DLST: variants seen among roughly 807,000 people sequenced by gnomAD.
DLST encodes the protein dihydrolipoamide S-succinyltransferase.
In DLST, 17 loss-of-function variants were observed where a neutral mutation model predicts 53.1. The observed-to-expected ratio is 0.32, with a 90% confidence interval of 0.22 to 0.48. The LOEUF (loss-of-function observed/expected upper bound fraction) is 0.48, where lower values mean the gene tolerates loss of function less well. Among genes scored for constraint, DLST ranks in the 20% least tolerant of loss-of-function variants. The pLI, the probability that DLST is intolerant of heterozygous loss-of-function variation, is 0.99. For synonymous variants in DLST, 206 were observed against 204.8 expected (o/e 1.01, Z -0.05); for missense variants, 512 against 583.9 (o/e 0.88, Z 1.27).
In DLST at chr14:74,899,944, A is replaced by T. The variant is rs749277580; in HGVS notation, c.923A>T (p.Glu308Val). The T allele has an allele frequency of 1.2e-6, 2 of 1,613,276 alleles. No homozygotes were observed. Among genetic ancestry groups the T allele is most frequent in the East Asian group, 2.2e-5 (1 of 44,880 alleles). ...VNAVIDDTTK[E>V]VVYRDYIDIS... ...ATAGTGATTGACGACACAACCAAAG[A>T]GGTGGTGTATAGGGATTATATTGAC... The change falls in exon 12 of 15, where the codon GAG becomes GTG. Residue 308 changes from glutamate to valine, a missense_variant. Around this residue, in one of 4 missense-constraint regions of DLST, gnomAD observed 186 missense variants for 260.4 expected, o/e 0.71. Transcript: ENST00000334220.
chr14:74,901,842 TA>T (rs1884254229), intron 14 of DLST, among the ~76,000 whole-genome samples: 1 of 119,462 alleles, frequency 8.4e-6, no homozygotes, highest in African/African-American at 3.4e-5. Context: ...GACCCTGGCT[TA>T]ATTTTTTTTT....
chr14:74,897,184 TA>T (rs1296622600), intron 10 of DLST, among the ~76,000 whole-genome samples: 1 of 152,204 alleles, frequency 6.6e-6, no homozygotes, highest in African/African-American at 2.4e-5. Flanking sequence ...ATCCTAGCAC[TA>T]AATAAGGTTA....
chr14:74,902,598 T>G lies in DLST; in HGVS notation c.*268T>G. ...GAGCCTTAATGGATGCTCATTCATA[T>G]TCCTGCCTTTCTTCCATCAGCTCTC... On this transcript the variant is annotated 3_prime_UTR_variant, in exon 15 of 15. Coordinates refer to ENST00000334220, the MANE Select transcript of DLST (RefSeq NM_001933.5). 3.3e-6 allele frequency: 1 copy of G among 300,480 alleles called. No individual in the cohort carries two copies. Among genetic ancestry groups the G allele is most frequent in the Admixed American group, 4.8e-5 (1 of 20,676 alleles). 18.6% of individuals were successfully genotyped at this position (300,480 alleles called of 1,614,324 possible).
At chr14:74,895,361 C>G (rs1884044213) in intron 10 of DLST, among the ~76,000 whole-genome samples, 1 of 152,188 alleles carries the variant, frequency 6.6e-6, no homozygotes, top group Non-Finnish European at 1.5e-5. Flanking sequence ...CTGTTTTCTT[C>G]AAGATTTCAA....
intron 2 of DLST, among the ~76,000 whole-genome samples, chr14:74,884,035 C>T (rs984894467): frequency 2.0e-5 from 3 of 152,098 alleles, no homozygotes; most frequent in Non-Finnish European, 4.4e-5. Flanking sequence ...TGATGTAGAC[C>T]AGCTTGGGAA....
chr14:74,894,273 A>AG lies in DLST; in HGVS notation c.673-38dup, dbSNP rs764856969. ...TACACGGGGAATGCTTGACCCAGAGAGATCAGATTGTCAATGCTTGTTCCA... is the reference window on the plus strand; with the variant it reads ...TACACGGGGAATGCTTGACCCAGAGAGGATCAGATTGTCAATGCTTGTTCCA... On this transcript the variant is annotated intron_variant, in intron 9 of 14. Transcript: ENST00000334220. 6 of 1,610,608 alleles carry AG rather than the reference A, an allele frequency of 3.7e-6. No individual in the cohort carries two copies. The East Asian group carries it at 1.3e-4, about 36-fold the overall frequency.
intron 11 of DLST, among the ~76,000 whole-genome samples, chr14:74,899,533 A>G (rs557773470): frequency 1.3e-3 from 191 of 152,200 alleles, no homozygotes; most frequent in Non-Finnish European, 2.2e-3. Flanking sequence ...TAGTATCTCT[A>G]TATCCCTTTT....
chr14:74,889,911 G>T lies in DLST; in HGVS notation c.289G>T (p.Val97Phe). ...VRWEKAVGDT[V>F]AEDEVVCEIE... ...TGTCTTTTCAGCTGTTGGAGACACA[G>T]TTGCAGAAGATGAAGTGGTTTGTGA... is the stretch of plus-strand genomic sequence containing the variant. The change falls in exon 6 of 15, where the codon GTT (valine) becomes TTT (phenylalanine). Residue 97 changes from valine (V) to phenylalanine (F), a missense_variant. Physicochemically the swap from Val to Phe is conservative, Grantham distance 50. Transcript: ENST00000334220. 6.2e-7 allele frequency: 1 copy of T among 1,614,002 alleles called. No homozygotes were observed. Among genetic ancestry groups the T allele is most frequent in the South Asian group, 1.1e-5 (1 of 91,068 alleles).
intron 10 of DLST, among the ~76,000 whole-genome samples, chr14:74,897,766 G>A (rs763647104): frequency 7.9e-5 from 12 of 152,160 alleles, no homozygotes; most frequent in Non-Finnish European, 1.6e-4. Flanking sequence ...GATGAAGAAC[G>A]GATATGACTT....
chr14:74,885,465 T>TA, intron 2 of DLST, 121 bp from the exon 3 acceptor site: 1 of 1,008,950 alleles, frequency 9.9e-7, no homozygotes, highest in Non-Finnish European at 1.6e-6. Flanking sequence ...ATAAAGATTA[T>TA]ATCCGTTGCC....
chr14:74,902,068 A>G (rs570880075), intron 14 of DLST, 128 bp from the exon 15 acceptor site: 296 of 1,015,026 alleles, frequency 2.9e-4, no homozygotes, highest in Middle Eastern at 2.4e-3. Context: ...TACTGTAAAT[A>G]TGCAGAGGCA....
Position 74,882,601 on chromosome 14 carries a change from C to T in DLST, c.74C>T (p.Pro25Leu), listed in dbSNP as rs772084092. Reference sequence around the variant, plus strand: ...CTTCTTTCTCAACAGGGGAACTGCCCTCTAGGGAGACGTTCCCTGCCTGGT... The same window carrying T: ...CTTCTTTCTCAACAGGGGAACTGCCTTCTAGGGAGACGTTCCCTGCCTGGT... ...SLSAFQKGNC[P>L]LGRRSLPGVS... The change falls in exon 2 of 15, where the codon CCT becomes CTT. Residue 25 changes from proline (P) to leucine (L), a missense_variant. This residue lies in a region of DLST where 129 missense variants were observed against 90.9 expected (regional missense o/e 1.42). Transcript: ENST00000334220. 1.7e-5 allele frequency: 28 copies of T among 1,613,790 alleles called. No homozygotes were observed. The highest frequency in any genetic ancestry group is 2.3e-5 in the Non-Finnish European group (27 of 1,179,974).
At position 74,889,039 on chromosome 14, in the gene DLST, A is replaced by T. The variant is rs1883804742; in HGVS notation, c.147-56A>T. Reference sequence around the variant, plus strand: ...AGGTGACCCATGGGGCCTTAACTAGACTAAAATGTGAGTGGTTCGCCTGTT... The same window carrying T: ...AGGTGACCCATGGGGCCTTAACTAGTCTAAAATGTGAGTGGTTCGCCTGTT... On this transcript the variant is annotated intron_variant, in intron 3 of 14. Coordinates refer to ENST00000334220, the MANE Select transcript of DLST (RefSeq NM_001933.5). 15 of 1,584,352 alleles carry T rather than the reference A, an allele frequency of 9.5e-6. No individual in the cohort carries two copies. In the South Asian group the frequency reaches 1.7e-4, roughly 18 times the overall value.
Position 74,898,706 on chromosome 14 carries a change from C to T in DLST, c.901+207C>T, listed in dbSNP as rs570903184. Among the ~76,000 whole-genome samples the T allele has an allele frequency of 2.0e-5, 3 of 152,392 alleles. No individual in the cohort carries two copies. In the South Asian group the frequency reaches 6.2e-4, roughly 32 times the overall value. ...ACCCGCCAGCTGGGCAGAACAGTTT[C>T]TCTTCCCAGTGTACAGCTCGGCAGC... On this transcript the variant is annotated intron_variant, in intron 11 of 14. Transcript: ENST00000334220.
intron 1 of DLST, 151 bp downstream of exon 1, chr14:74,882,167 C>T (rs550678409): frequency 1.4e-5 from 9 of 637,396 alleles, no homozygotes; most frequent in African/African-American, 1.2e-4. Flanking sequence ...GGCCCGGGGC[C>T]GTGGTTGCCC....
At chr14:74,900,118 TA>T in intron 12 of DLST, 122 bp downstream of exon 12, 1 of 1,110,308 alleles carries the variant, frequency 9.0e-7, no homozygotes, top group Non-Finnish European at 1.3e-6. Flanking sequence ...TTAGTAAAAG[TA>T]ACCTTTTTTT....
At position 74,902,240 on chromosome 14, in the gene DLST, C is replaced by G; in HGVS notation, c.1272C>G (p.His424Gln). 6.2e-7 allele frequency: 1 copy of G among 1,612,934 alleles called. No homozygotes were observed. Among genetic ancestry groups the G allele is most frequent in the South Asian group, 1.1e-5 (1 of 90,880 alleles). ...PMMYVALTYD[H>Q]RLIDGREAVT... ...TGTACGTGGCACTGACCTATGATCA[C>G]CGGCTGATTGATGGCAGAGAGGCTG... is the stretch of plus-strand genomic sequence containing the variant. The change falls in exon 15 of 15, where the codon CAC becomes CAG. Residue 424 changes from histidine (H) to glutamine (Q), a missense_variant. This residue lies in a region of DLST where 186 missense variants were observed against 260.4 expected (regional missense o/e 0.71). Coordinates refer to ENST00000334220, the MANE Select transcript of DLST (RefSeq NM_001933.5).
rs1292248250 is a variant in DLST at position 74,900,329 on chromosome 14, A to G, written c.1016A>G (p.Asn339Ser). ...VPVIRNVEAMNFADIERTITE... is the reference protein window; with the variant it reads ...VPVIRNVEAMSFADIERTITE... Reference sequence around the variant, plus strand: ...GTCATCAGGAATGTGGAAGCTATGAATTTTGCAGATATTGAACGGACCATC... The same window carrying G: ...GTCATCAGGAATGTGGAAGCTATGAGTTTTGCAGATATTGAACGGACCATC... Residue 339 changes from asparagine (N) to serine (S), a missense_variant, in exon 13 of 15, where the codon AAT (asparagine) becomes AGT (serine). This residue lies in a region of DLST where 186 missense variants were observed against 260.4 expected (regional missense o/e 0.71). Transcript: ENST00000334220. 6.2e-7 allele frequency: 1 copy of G among 1,613,886 alleles called. No homozygotes were observed. The highest frequency in any genetic ancestry group is 8.5e-7 in the Non-Finnish European group (1 of 1,179,930).
intron 10 of DLST, among the ~76,000 whole-genome samples, chr14:74,895,492 G>A (rs754337681): frequency 1.7e-4 from 26 of 152,280 alleles, no homozygotes; most frequent in South Asian, 1.4e-3. Context: ...ACCATGGCTC[G>A]TGCCTATAAT....
Sources: allele counts gnomAD v4.1 joint callset (sites outside exome capture counted in the v4.1 genomes callset), GRCh38; gene constraint gnomAD v4.1.1; regional missense constraint gnomAD v4.1.1; transcripts MANE v1.5; gene names NCBI Gene and HGNC (gene_info 2026-07-23, HGNC 2026-07-21).